Variants in EMP1 observed in about 807,000 individuals in gnomAD.
EMP1 encodes the protein tumor-associated membrane protein.
A neutral mutation model predicts 15.7 loss-of-function variants in EMP1; 5 were observed. That is an observed-to-expected ratio of 0.32 (90% CI 0.17 to 0.67). The LOEUF (loss-of-function observed/expected upper bound fraction) is 0.67, where lower values mean the gene tolerates loss of function less well. Ranked by LOEUF, EMP1 falls within the 30% of genes least tolerant of loss-of-function variation. EMP1 has a pLI of 0.74. For missense variants in EMP1, 166 were observed against 194.2 expected (o/e 0.85, Z 0.86); for synonymous variants, 78 against 76.7 (o/e 1.02, Z -0.09).
chr12:13,203,520 A>G (rs1205419317), intron 1 of EMP1, among the ~76,000 whole-genome samples: 1 of 152,252 alleles, frequency 6.6e-6, no homozygotes, highest in Non-Finnish European at 1.5e-5. Flanking sequence ...AACAATATTC[A>G]TGCCACTTGT....
intron 1 of EMP1, among the ~76,000 whole-genome samples, chr12:13,200,641 A>G (rs1023730846): frequency 7.2e-5 from 11 of 152,202 alleles, no homozygotes; most frequent in African/African-American, 2.4e-4. Context: ...CTTTGCAACA[A>G]TTCAGTCCCT....
chr12:13,206,803 G>C (rs1214957259), intron 1 of EMP1, among the ~76,000 whole-genome samples: 1 of 152,112 alleles, frequency 6.6e-6, no homozygotes, highest in Non-Finnish European at 1.5e-5. Context: ...AAAAGGAAAG[G>C]CTCCCATGGG....
In EMP1 at chr12:13,213,748, C is replaced by G; in HGVS notation, c.243C>G (p.Val81=). ...SIIFCVIALL[V]FVFQLFTMEK... The stretch of plus-strand genomic sequence containing the variant: ...TCTTCTGTGTCATTGCCCTCCTGGT[C>G]TTCGTGTTCCAGCTCTTCACCATGG... The change falls in exon 4 of 5, where the codon GTC becomes GTG. Residue 81 remains valine, a synonymous_variant. Coordinates refer to ENST00000256951, the MANE Select transcript of EMP1 (RefSeq NM_001423.3). The G allele has an allele frequency of 6.2e-7, 1 of 1,614,190 alleles. No homozygotes were observed. Among genetic ancestry groups the G allele is most frequent in the Middle Eastern group, 1.6e-4 (1 of 6,062 alleles).
chr12:13,211,921 T>G lies in EMP1; in HGVS notation c.78+333T>G. ...AGGAGTGGTAGATGGCTGAGGTTTCTCTTAGTGAAAGAGGGAAGGTGGAAG... is the reference window on the plus strand; with the variant it reads ...AGGAGTGGTAGATGGCTGAGGTTTCGCTTAGTGAAAGAGGGAAGGTGGAAG... On this transcript the variant is annotated intron_variant, in intron 2 of 4. Coordinates refer to ENST00000256951, the MANE Select transcript of EMP1 (RefSeq NM_001423.3). This position sits in a 1 kb window ranked among gnomAD's most constrained non-coding sequence, Gnocchi z 4.7. The G allele has an allele frequency of 3.3e-6, 1 of 304,466 alleles. No individual in the cohort carries two copies. Among genetic ancestry groups the G allele is most frequent in the African/African-American group, 2.2e-5 (1 of 45,940 alleles). The allele number at this position is 304,466 out of a possible 1,614,324, so 18.9% of individuals were successfully genotyped here.
At chr12:13,201,568 G>C (rs757376920) in intron 1 of EMP1, among the ~76,000 whole-genome samples, 1 of 152,154 alleles carries the variant, frequency 6.6e-6, no homozygotes, top group African/African-American at 2.4e-5. Context: ...ATAGGGCAAC[G>C]TGTGGCATTG....
rs769015847 is a variant in EMP1 at position 13,213,675 on chromosome 12, C to T, written c.176-6C>T. 24 of 1,613,952 alleles carry T rather than the reference C, an allele frequency of 1.5e-5. No individual in the cohort carries two copies. Among genetic ancestry groups the T allele is most frequent in the East Asian group, 2.2e-5 (1 of 44,892 alleles). On this transcript the variant is annotated splice_region_variant and splice_polypyrimidine_tract_variant and intron_variant, in intron 3 of 4. Coordinates refer to ENST00000256951, the MANE Select transcript of EMP1 (RefSeq NM_001423.3). ...TGCCCTTGTTCTCCTCGTCCTGTGT[C>T]TACAGATGCCCTCAAGACAGTGCAG... is the stretch of plus-strand genomic sequence containing the variant.
Position 13,211,691 on chromosome 12 carries a change from C to A in EMP1, c.78+103C>A. ...AGCCACAGCCCTTGCCCTTCATGAA[C>A]TTACAGCTCAGTTGTGGGAAAACAA... is the stretch of plus-strand genomic sequence containing the variant. On this transcript the variant is annotated intron_variant, in intron 2 of 4. Coordinates refer to ENST00000256951, the MANE Select transcript of EMP1 (RefSeq NM_001423.3). The surrounding 1 kb of genome is among the most constrained non-coding windows in gnomAD (Gnocchi z 4.7). 7.8e-7 allele frequency: 1 copy of A among 1,283,118 alleles called. No homozygotes were observed. The highest frequency in any genetic ancestry group is 1.1e-6 in the Non-Finnish European group (1 of 897,616). 79.5% of individuals were successfully genotyped at this position (1,283,118 alleles called of 1,614,324 possible). A position where few individuals can be genotyped will look rare whatever the true frequency, so the allele number is the denominator to read the frequency against.
intron 1 of EMP1, among the ~76,000 whole-genome samples, chr12:13,204,139 A>G (rs962091567): frequency 2.6e-5 from 4 of 152,156 alleles, no homozygotes; most frequent in African/African-American, 9.7e-5. Flanking sequence ...GTATTTTCCA[A>G]CATCAAGTCC....
chr12:13,206,939 G>A (rs1416569482), intron 1 of EMP1, among the ~76,000 whole-genome samples: 1 of 150,656 alleles, frequency 6.6e-6, no homozygotes, highest in African/African-American at 2.5e-5. Context: ...GTGTGTGTGT[G>A]TGTGTGTGTG....
chr12:13,210,271 A>G (rs1045059385), intron 1 of EMP1, among the ~76,000 whole-genome samples: 1 of 152,206 alleles, frequency 6.6e-6, no homozygotes, highest in Non-Finnish European at 1.5e-5. Context: ...GCGCCTGGCC[A>G]TCTCCTCCCT....
Position 13,216,391 on chromosome 12 carries a change from C to A in EMP1, c.*1700C>A, listed in dbSNP as rs1864215674. ...TTAAGGAAATGTTGAGGGCAAGCCA[C>A]CAAATTACCTAGGCTGAGGTTAGAG... On this transcript the variant is annotated 3_prime_UTR_variant, in exon 5 of 5. Transcript: ENST00000256951. 1.4e-6 allele frequency: 1 copy of A among 702,248 alleles called. No homozygotes were observed. Among genetic ancestry groups the A allele is most frequent in the South Asian group, 1.5e-5 (1 of 67,574 alleles). The allele number at this position is 702,248 out of a possible 1,614,324, so 43.5% of individuals were successfully genotyped here.
At chr12:13,203,094 G>A (rs2121147197) in intron 1 of EMP1, among the ~76,000 whole-genome samples, 1 of 152,278 alleles carries the variant, frequency 6.6e-6, no homozygotes, top group Non-Finnish European at 1.5e-5. Context: ...TCTAGGCGAG[G>A]GGCCTCCCCT....
chr12:13,204,461 T>C (rs1448072111), intron 1 of EMP1, among the ~76,000 whole-genome samples: 2 of 152,212 alleles, frequency 1.3e-5, no homozygotes, highest in African/African-American at 4.8e-5. Context: ...TTGTGTTACA[T>C]GCGCATCCAT....
Position 13,219,030 on chromosome 12 carries a change from C to T in EMP1, c.*4339C>T, listed in dbSNP as rs887764939. The T allele has an allele frequency of 6.6e-6, 1 of 152,288 alleles. No individual in the cohort carries two copies. Among genetic ancestry groups the T allele is most frequent in the African/African-American group, 2.4e-5 (1 of 41,430 alleles). The allele number at this position is 152,288 out of a possible 1,614,324, so 9.4% of individuals were successfully genotyped here. ...GACCACTGCTGCATTTCTTACTTGC[C>T]AACATCACTTTGTCCCAAATGCCAT... On this transcript the variant is annotated 3_prime_UTR_variant, in exon 5 of 5. Transcript: ENST00000256951.
rs144346237 is a variant in EMP1, at chr12:13,200,198, C to T, written c.-43+3326C>T. Among the ~76,000 whole-genome samples, 47 of 152,306 alleles carry T rather than the reference C, an allele frequency of 3.1e-4. No homozygotes were observed. The East Asian group carries it at 8.9e-3, about 29-fold the overall frequency. ...ATGTACATACTCGGAGGGACACACC[C>T]AGTGTTGCTACCTACTAGGTCATGG... is the stretch of plus-strand genomic sequence containing the variant. On this transcript the variant is annotated intron_variant, in intron 1 of 4. Transcript: ENST00000256951.
Position 13,211,492 on chromosome 12 carries a change from C to G in EMP1, c.-19C>G. ...AGAACTCTCTTTGCTCACAAGTTAC[C>G]AAAAAAAAAAGAGCCAACATGTTGG... On this transcript the variant is annotated 5_prime_UTR_variant, in exon 2 of 5. Coordinates refer to ENST00000256951, the MANE Select transcript of EMP1 (RefSeq NM_001423.3). This position sits in a 1 kb window ranked among gnomAD's most constrained non-coding sequence, Gnocchi z 4.7. The G allele has an allele frequency of 7.4e-7, 1 of 1,360,380 alleles. No individual in the cohort carries two copies. Among genetic ancestry groups the G allele is most frequent in the Non-Finnish European group, 1.0e-6 (1 of 991,712 alleles). The allele number at this position is 1,360,380 out of a possible 1,614,324, so 84.3% of individuals were successfully genotyped here. A position where few individuals can be genotyped will look rare whatever the true frequency, so the allele number is the denominator to read the frequency against.
chr12:13,201,839 G>A (rs1864069004), intron 1 of EMP1, among the ~76,000 whole-genome samples: 1 of 152,206 alleles, frequency 6.6e-6, no homozygotes, highest in Non-Finnish European at 1.5e-5. Context: ...ACAGAATCAG[G>A]CTCAGGGAGA....
At chr12:13,212,201 A>G (rs964711360) in intron 2 of EMP1, among the ~76,000 whole-genome samples, 3 of 152,180 alleles carry the variant, frequency 2.0e-5, no homozygotes, top group African/African-American at 7.2e-5. Flanking sequence ...TAACTAACTC[A>G]GACAAAACGA....
intron 1 of EMP1, among the ~76,000 whole-genome samples, chr12:13,202,114 G>T (rs1864071409): frequency 6.6e-6 from 1 of 152,144 alleles, no homozygotes; most frequent in Admixed American, 6.5e-5. Context: ...CAGAAAGGGG[G>T]CAAAAGAGCA....
Sources: allele counts gnomAD v4.1 joint callset (sites outside exome capture counted in the v4.1 genomes callset), GRCh38; gene constraint gnomAD v4.1.1; non-coding constraint Gnocchi (gnomAD v3.1); transcripts MANE v1.5; gene names NCBI Gene and HGNC (gene_info 2026-07-23, HGNC 2026-07-21).